Variants in ELP4 observed in about 807,000 individuals in gnomAD.
ELP4 encodes the protein elongator complex protein 4.
Under a neutral mutation model 48.9 loss-of-function variants are expected in ELP4, and 51 were observed. That is an observed-to-expected ratio of 1.04 (90% CI 0.83 to 1.32). The LOEUF (loss-of-function observed/expected upper bound fraction) is 1.32. Ranked by LOEUF, ELP4 falls within the 40% of genes most tolerant of loss-of-function variation. ELP4 has a pLI of 0.00. For missense variants in ELP4, 519 were observed against 514.6 expected (o/e 1.01, Z -0.08); for synonymous variants, 210 against 189.2 (o/e 1.11, Z -0.90).
chr11:31,542,859 T>A (rs184454998), intron 3 of ELP4, among the ~76,000 whole-genome samples: 103 of 152,226 alleles, frequency 6.8e-4, no homozygotes, highest in South Asian at 1.7e-3. Context: ...ATGATAGAAT[T>A]AGATGAAAAC....
chr11:31,544,670 G>A (rs1488369566), intron 3 of ELP4, among the ~76,000 whole-genome samples: 4 of 152,222 alleles, frequency 2.6e-5, no homozygotes, highest in Non-Finnish European at 4.4e-5. Flanking sequence ...GCGCGCAGCT[G>A]GAGATCTGAG....
At chr11:31,630,444 T>A (rs1318178102) in intron 6 of ELP4, among the ~76,000 whole-genome samples, 1 of 151,804 alleles carries the variant, frequency 6.6e-6, no homozygotes, top group Non-Finnish European at 1.5e-5. Context: ...TTCTCCTGCC[T>A]CAGCCTCCCA....
chr11:31,775,443 C>T (rs770681998), intron 9 of ELP4, among the ~76,000 whole-genome samples: 9 of 152,154 alleles, frequency 5.9e-5, no homozygotes, highest in Non-Finnish European at 1.2e-4. Context: ...ACAACACAGT[C>T]GACCCTTGGG....
chr11:31,521,758 G>A (rs1251603441), intron 2 of ELP4, among the ~76,000 whole-genome samples: 3 of 152,006 alleles, frequency 2.0e-5, no homozygotes, highest in Non-Finnish European at 4.4e-5. Flanking sequence ...CAATATACAG[G>A]GAGTGGTTAA....
rs1426429667 is a variant in ELP4 at position 31,509,855 on chromosome 11, G to T, written c.71G>T (p.Ser24Ile). The change falls in exon 1 of 10, where the codon AGC (serine) becomes ATC (isoleucine). Residue 24 changes from serine to isoleucine, a missense_variant. Transcript: ENST00000640961. The part of the protein sequence containing the change: ...TGSAVATASK[S>I]NVTSFQRRGP... The stretch of plus-strand genomic sequence containing the variant: ...TCTGCAGTGGCGACAGCCAGCAAGA[G>T]CAACGTCACCAGTTTCCAGAGGAGG... The T allele has an allele frequency of 1.2e-6, 2 of 1,614,080 alleles. No homozygotes were observed.
At chr11:31,592,531 A>G (rs888523462) in intron 3 of ELP4, among the ~76,000 whole-genome samples, 9 of 149,082 alleles carry the variant, frequency 6.0e-5, no homozygotes, top group African/African-American at 2.2e-4. Flanking sequence ...ATATGTATGT[A>G]TATATAATAA....
chr11:31,689,729 G>C (rs953463321), intron 9 of ELP4, among the ~76,000 whole-genome samples: 6 of 152,176 alleles, frequency 3.9e-5, no homozygotes, highest in African/African-American at 1.4e-4. Context: ...TCAACAGCCT[G>C]AATTTGAAAC....
chr11:31,576,951 C>T (rs1183096583), intron 3 of ELP4, among the ~76,000 whole-genome samples: 1 of 152,078 alleles, frequency 6.6e-6, no homozygotes, highest in Non-Finnish European at 1.5e-5. Flanking sequence ...CAGAGCAGAA[C>T]TGAAGGAGAT....
At chr11:31,528,772 T>G (rs561426076) in intron 2 of ELP4, among the ~76,000 whole-genome samples, 1 of 152,202 alleles carries the variant, frequency 6.6e-6, no homozygotes, top group East Asian at 1.9e-4. Flanking sequence ...GGTAAATAAT[T>G]CAGTTTAAAC....
At chr11:31,671,480 C>T (rs1323394504) in intron 9 of ELP4, among the ~76,000 whole-genome samples, 1 of 152,152 alleles carries the variant, frequency 6.6e-6, no homozygotes, top group African/African-American at 2.4e-5. Context: ...TCATGCATTA[C>T]ACATAATATC....
At chr11:31,665,478 G>A (rs992260766) in intron 9 of ELP4, among the ~76,000 whole-genome samples, 2 of 151,952 alleles carry the variant, frequency 1.3e-5, no homozygotes, top group South Asian at 2.1e-4. Flanking sequence ...TAGCTTCACC[G>A]TGTGTTTAAA....
chr11:31,709,908 G>T (rs528900380), intron 9 of ELP4, among the ~76,000 whole-genome samples: 1 of 152,268 alleles, frequency 6.6e-6, no homozygotes, highest in South Asian at 2.1e-4. Flanking sequence ...TGAGAATGCT[G>T]TAGGAAACAA....
chr11:31,707,152 T>C (rs1022662078), intron 9 of ELP4: 6 of 394,254 alleles, frequency 1.5e-5, no homozygotes, highest in Non-Finnish European at 2.2e-5. Flanking sequence ...TTGAGAACCC[T>C]TCATACTATT....
At chr11:31,546,051 C>CG (rs1392009512) in intron 3 of ELP4, among the ~76,000 whole-genome samples, 2 of 151,968 alleles carry the variant, frequency 1.3e-5, no homozygotes, top group Non-Finnish European at 2.9e-5. Context: ...TAAAGACCAT[C>CG]GAGACTAGGA....
intron 7 of ELP4, chr11:31,633,677 C>T (rs1944912339): frequency 6.6e-6 from 1 of 151,854 alleles, no homozygotes; most frequent in African/African-American, 2.4e-5. Flanking sequence ...ATTTAGTACT[C>T]GAATAATAGT....
chr11:31,531,546 A>G (rs1197686808), intron 2 of ELP4, among the ~76,000 whole-genome samples: 1 of 152,218 alleles, frequency 6.6e-6, no homozygotes, highest in East Asian at 1.9e-4. Context: ...TTAGTTAGCC[A>G]GAGTTGTGAA....
At chr11:31,605,566 A>C (rs1027290215) in intron 5 of ELP4, among the ~76,000 whole-genome samples, 4 of 152,150 alleles carry the variant, frequency 2.6e-5, no homozygotes, top group Non-Finnish European at 5.9e-5. Context: ...AGGAAAATAA[A>C]TGTAAAATGT....
chr11:31,785,539 GAAAC>G lies in ELP4; in HGVS notation c.*2016_*2019del. The G allele has an allele frequency of 5.2e-6, 1 of 191,666 alleles. No individual in the cohort carries two copies. Among genetic ancestry groups the G allele is most frequent in the Middle Eastern group, 1.8e-3 (1 of 546 alleles). The allele number at this position is 191,666 out of a possible 1,614,324, so 11.9% of individuals were successfully genotyped here. ...TTGAACCCTTATTTTAAATATAAAA[GAAAC>G]TTTTCAAACTCAGTAAAAGTGCATT... On this transcript the variant is annotated 3_prime_UTR_variant, in exon 10 of 10. Transcript: ENST00000640961.
chr11:31,515,577 A>G (rs1264390507), intron 1 of ELP4, among the ~76,000 whole-genome samples: 1 of 152,046 alleles, frequency 6.6e-6, no homozygotes, highest in Non-Finnish European at 1.5e-5. Flanking sequence ...AGATGGGAGG[A>G]CCCTTGAGCC....
Sources: gnomAD v4.1 joint callset for allele counts (sites outside exome capture counted in the v4.1 genomes callset) on GRCh38, gnomAD v4.1.1 for gene constraint, MANE v1.5 for transcripts, NCBI Gene and HGNC (gene_info 2026-07-23, HGNC 2026-07-21) for gene names.